ALDH1A1: variants seen among roughly 807,000 people sequenced by gnomAD.
ALDH1A1 encodes aldehyde dehydrogenase 1 family member A1.
ALDH1A1 carries 19 observed loss-of-function variants against 62.1 expected under a neutral mutation model. The observed-to-expected ratio is 0.31, with a 90% CI of 0.21 to 0.45. The LOEUF is 0.45. ALDH1A1 is among the 20% of genes least tolerant of loss of function. The pLI, the probability that ALDH1A1 is intolerant of heterozygous loss-of-function variation, is 1.00. For synonymous variants in ALDH1A1, 231 were observed against 215.9 expected (o/e 1.07, Z -0.61); for missense variants, 521 against 607.1 (o/e 0.86, Z 1.49).
chr9:72,925,073 G>T (rs1830187596), intron 6 of ALDH1A1, among the ~76,000 whole-genome samples: 2 of 152,122 alleles, frequency 1.3e-5, no homozygotes, highest in African/African-American at 4.8e-5. Context: ...AAGCATATTG[G>T]CATAGAGGCC....
At position 72,909,155 on chromosome 9, in the gene ALDH1A1, C is replaced by CTTTTTTTT. The variant is rs5898281; in HGVS notation, c.1358+439_1358+446dup. Among the ~76,000 whole-genome samples the CTTTTTTTT allele has an allele frequency of 6.6e-4, 50 of 75,560 alleles. 1 individual carries two copies. The highest frequency in any genetic ancestry group is 9.6e-4 in the African/African-American group (17 of 17,756). 49.6% of individuals were successfully genotyped at this position (75,560 alleles called of 152,430 possible). A position where few individuals can be genotyped will look rare whatever the true frequency, so the allele number is the denominator to read the frequency against. ...CCTCCCTAAAGTTCTTCCAATACAG[C>CTTTTTTTT]TTTTTTTTTTTTTTTTTTTTTTTGA... On this transcript the variant is annotated intron_variant, in intron 11 of 12. Transcript: ENST00000297785.
intron 7 of ALDH1A1, among the ~76,000 whole-genome samples, chr9:72,919,131 C>G (rs185393540): frequency 6.6e-6 from 1 of 152,106 alleles, no homozygotes; most frequent in African/African-American, 2.4e-5. Context: ...TAAAAGGAAT[C>G]AGAAAAATGC....
intron 4 of ALDH1A1, among the ~76,000 whole-genome samples, chr9:72,927,674 A>G (rs1729107089): frequency 6.6e-6 from 1 of 152,196 alleles, no homozygotes; most frequent in African/African-American, 2.4e-5. Context: ...TTCTTTTTAA[A>G]AGTTATAATA....
At chr9:72,949,994 G>A (rs1018127351) in intron 1 of ALDH1A1, among the ~76,000 whole-genome samples, 2 of 151,850 alleles carry the variant, frequency 1.3e-5, no homozygotes, top group South Asian at 4.2e-4. Context: ...TGTCAGATGG[G>A]ACATGACTGT....
chr9:72,916,876 A>C (rs1450455775), intron 9 of ALDH1A1, 44 bp downstream of exon 9: 2 of 1,481,282 alleles, frequency 1.4e-6, no homozygotes, highest in East Asian at 5.0e-5. Context: ...AGGATACTTT[A>C]TTCCTGTGCC....
intron 9 of ALDH1A1, among the ~76,000 whole-genome samples, chr9:72,913,652 C>T (rs907252962): frequency 3.3e-5 from 5 of 152,342 alleles, no homozygotes; most frequent in Non-Finnish European, 7.3e-5. Context: ...TCCCTGCATA[C>T]ATACTGGAGA....
chr9:72,921,522 AT>A (rs59019273), intron 7 of ALDH1A1, among the ~76,000 whole-genome samples: 2,973 of 70,692 alleles, frequency 0.042, 67 homozygotes, highest in African/African-American at 0.11. Flanking sequence ...TTTTTTTTTC[AT>A]TTTTTTTTTT....
rs77252691 is a variant in ALDH1A1 at position 72,900,968 on chromosome 9, A to C, written c.*240T>G. Reference sequence around the variant, plus strand: ...TATGACAAAGCTAGAGAGATCATACATCCGAATTTGTCTTTTTTTATTTAG... The same window carrying C: ...TATGACAAAGCTAGAGAGATCATACCTCCGAATTTGTCTTTTTTTATTTAG... On this transcript the variant is annotated 3_prime_UTR_variant, in exon 13 of 13. Transcript: ENST00000297785. The C allele has an allele frequency of 5.7e-6, 2 of 352,468 alleles. No homozygotes were observed. The highest frequency in any genetic ancestry group is 4.1e-5 in the Admixed American group (1 of 24,328). The allele number at this position is 352,468 out of a possible 1,614,324, so 21.8% of individuals were successfully genotyped here.
intron 7 of ALDH1A1, among the ~76,000 whole-genome samples, chr9:72,922,449 C>T (rs766897316): frequency 5.9e-5 from 9 of 152,064 alleles, no homozygotes; most frequent in Non-Finnish European, 1.2e-4. Flanking sequence ...ATGAGATCAG[C>T]AAACAGTAGC....
At chr9:72,929,132 T>C in intron 3 of ALDH1A1, 111 bp from the exon 4 acceptor site, 1 of 1,163,120 alleles carries the variant, frequency 8.6e-7, no homozygotes, top group Non-Finnish European at 1.2e-6. Flanking sequence ...ATAGAAGAAA[T>C]CTTGTCATCT....
chr9:72,916,345 G>A (rs1830063688), intron 9 of ALDH1A1, among the ~76,000 whole-genome samples: 1 of 152,128 alleles, frequency 6.6e-6, no homozygotes, highest in East Asian at 1.9e-4. Context: ...GAGAGAGAGA[G>A]ACCTTTACTG....
chr9:72,921,584 T>C (rs1359909922), intron 7 of ALDH1A1, among the ~76,000 whole-genome samples: 1 of 149,794 alleles, frequency 6.7e-6, no homozygotes, highest in Admixed American at 6.6e-5. Context: ...GCAGGTTAGT[T>C]ACATATGTAT....
At chr9:72,911,888 G>T in intron 10 of ALDH1A1, 70 bp downstream of exon 10, 1 of 1,548,964 alleles carries the variant, frequency 6.5e-7, no homozygotes, top group South Asian at 1.1e-5. Flanking sequence ...ATTTTAAAGT[G>T]ACACTTTGTA....
In ALDH1A1 at chr9:72,926,396, G is replaced by A. The variant is rs1291898919; in HGVS notation, c.504+720C>T. ...TCAATCTCATTGGAGCCAAAGATAA[G>A]TCTTGACCATTTCTTCACATAAGGA... On this transcript the variant is annotated intron_variant, in intron 5 of 12. Coordinates refer to ENST00000297785, the MANE Select transcript of ALDH1A1 (RefSeq NM_000689.5). Among the ~76,000 whole-genome samples, 8 of 152,162 alleles carry A rather than the reference G, an allele frequency of 5.3e-5. No individual in the cohort carries two copies. The East Asian group carries it at 1.5e-3, about 29-fold the overall frequency.
At chr9:72,910,513 G>A (rs1330332397) in intron 10 of ALDH1A1, among the ~76,000 whole-genome samples, 1 of 152,202 alleles carries the variant, frequency 6.6e-6, no homozygotes, top group Non-Finnish European at 1.5e-5. Flanking sequence ...TTATTCTAAC[G>A]TAAAGTACTC....
At chr9:72,923,358 AT>A (rs908234017) in intron 7 of ALDH1A1, among the ~76,000 whole-genome samples, 14 of 152,024 alleles carry the variant, frequency 9.2e-5, no homozygotes, top group African/African-American at 2.7e-4. Context: ...TGACTCAATA[AT>A]TTTTTTTGCA....
intron 5 of ALDH1A1, 93 bp from the exon 6 acceptor site, chr9:72,925,705 T>C (rs1830196591): frequency 2.2e-6 from 3 of 1,372,486 alleles, no homozygotes; most frequent in Middle Eastern, 1.9e-4. Flanking sequence ...GTAGATGTTA[T>C]GTAATAATTG....
intron 9 of ALDH1A1, among the ~76,000 whole-genome samples, chr9:72,915,524 C>T (rs918907354): frequency 2.6e-5 from 4 of 152,102 alleles, no homozygotes; most frequent in Non-Finnish European, 5.9e-5. Flanking sequence ...GAATATATCT[C>T]TTGGCATCCA....
intron 7 of ALDH1A1, among the ~76,000 whole-genome samples, chr9:72,921,503 C>CTTTTTTTTTTTTTTTTTTTTTTTTTT (rs11327072): frequency 2.7e-5 from 3 of 109,508 alleles, no homozygotes; most frequent in East Asian, 2.8e-4. Context: ...ACATTTAATT[C>CTTTTTTTTTTTTTTTTTTTTTTTTTT]TTTTTTTTTT....
Sources: allele counts gnomAD v4.1 joint callset (sites outside exome capture counted in the v4.1 genomes callset), GRCh38; gene constraint gnomAD v4.1.1; transcripts MANE v1.5; gene names NCBI Gene and HGNC (gene_info 2026-07-23, HGNC 2026-07-21).